The following CUBN variants were observed in gnomAD, a reference collection of about 807,000 sequenced individuals.
CUBN encodes cubilin.
In CUBN, 282 loss-of-function variants were observed where a neutral mutation model predicts 405.3. That is an observed-to-expected ratio of 0.70 (90% confidence interval 0.63 to 0.77). The LOEUF is 0.77. Among genes scored for constraint, CUBN ranks in the 30% least tolerant of loss-of-function variants. The probability of loss-of-function intolerance (pLI) is 0.00; values close to 1 mark genes in which losing one functional copy is unlikely to be tolerated. For missense variants in CUBN, 4,514 were observed against 4,475.2 expected (o/e 1.01, Z -0.25); for synonymous variants, 1,684 against 1,617.0 (o/e 1.04, Z -0.99).
rs192807179 is a variant in CUBN at position 16,935,486 on chromosome 10, T to C, written c.5926+2106A>G. Among the ~76,000 whole-genome samples the C allele has an allele frequency of 5.8e-3, 887 of 152,278 alleles. 32 individuals carry two copies. The highest frequency in any genetic ancestry group is 0.055 in the Admixed American group (842 of 15,290). ...CTTTTAAGCTCCTGGAGAGTAGAGA[T>C]TGTACCTCATTTTCCTTTCTTAGTC... On this transcript the variant is annotated intron_variant, in intron 39 of 66. Coordinates refer to ENST00000377833, the MANE Select transcript of CUBN (RefSeq NM_001081.4).
chr10:17,123,663 G>T lies in CUBN; in HGVS notation c.414C>A (p.Ser138Arg), dbSNP rs1283376097. 1.2e-6 allele frequency: 2 copies of T among 1,613,910 alleles called. No homozygotes were observed. Among genetic ancestry groups the T allele is most frequent in the Non-Finnish European group, 1.7e-6 (2 of 1,179,906 alleles). ...AGGTTCCACCATTCTGGCAAGGATT[G>T]CTGCTGCAAACCTTTTTGTCAACAG... Reference protein sequence around the residue: ...QQTVDKKVCSSNPCQNGGTCL... With the variant: ...QQTVDKKVCSRNPCQNGGTCL... The change falls in exon 5 of 67, where the codon AGC becomes AGA. Residue 138 changes from serine (S) to arginine (R), a missense_variant. By Grantham distance (110) the Ser-to-Arg change is moderately radical. Coordinates refer to ENST00000377833, the MANE Select transcript of CUBN (RefSeq NM_001081.4).
chr10:16,996,739 C>T (rs923634617), intron 28 of CUBN, among the ~76,000 whole-genome samples: 3 of 152,168 alleles, frequency 2.0e-5, no homozygotes, highest in South Asian at 2.1e-4. Flanking sequence ...ATGCAGTCAG[C>T]GCTTTGCTGG....
intron 19 of CUBN, among the ~76,000 whole-genome samples, chr10:17,069,279 T>G (rs1835683563): frequency 6.6e-6 from 1 of 152,232 alleles, no homozygotes; most frequent in African/African-American, 2.4e-5. Context: ...TTATAGATGA[T>G]GACTGTAGAT....
rs146336877 is a variant in CUBN at position 16,842,049 on chromosome 10, C to CTT, written c.9664-1004_9664-1003dup. Among the ~76,000 whole-genome samples, 112 of 144,062 alleles carry CTT rather than the reference C, an allele frequency of 7.8e-4. 1 individual carries two copies. The highest frequency in any genetic ancestry group is 7.0e-3 in the Middle Eastern group (2 of 284). 94.5% of individuals were successfully genotyped at this position (144,062 alleles called of 152,430 possible). A position where few individuals can be genotyped will look rare whatever the true frequency, so the allele number is the denominator to read the frequency against. Reference sequence around the variant, plus strand: ...CTTCTTCTATATACTACATATTTAGCTTTTTTTTTTTTTGAAATAAGGTCT... The same window carrying CTT: ...CTTCTTCTATATACTACATATTTAGCTTTTTTTTTTTTTTTGAAATAAGGTCT... On this transcript the variant is annotated intron_variant, in intron 60 of 66. Coordinates refer to ENST00000377833, the MANE Select transcript of CUBN (RefSeq NM_001081.4).
chr10:17,076,478 C>T lies in CUBN; in HGVS notation c.2302-4507G>A, dbSNP rs377413456. ...TCTAGGACTTGATAAATTTGCACCC[C>T]CACCAAAAAAAAAAAAAAAAAAACC... On this transcript the variant is annotated intron_variant, in intron 17 of 66. Transcript: ENST00000377833. 4.1e-3 allele frequency among the ~76,000 whole-genome samples: 270 copies of T among 66,080 alleles called. 2 individuals carry two copies. The highest frequency in any genetic ancestry group is 0.02 in the African/African-American group (259 of 13,146). The allele number at this position is 66,080 out of a possible 152,430, so 43.4% of individuals were successfully genotyped here.
At chr10:16,892,519 A>G (rs1841063103) in intron 54 of CUBN, among the ~76,000 whole-genome samples, 2 of 151,986 alleles carry the variant, frequency 1.3e-5, no homozygotes, top group Middle Eastern at 3.2e-3. Context: ...TTTTTGAGAC[A>G]GTCTCACTCT....
chr10:17,021,743 G>A (rs7924087), intron 27 of CUBN, among the ~76,000 whole-genome samples: 86,783 of 152,038 alleles, frequency 0.57, 24,883 homozygotes, highest in East Asian at 0.64. Flanking sequence ...CCATGGAGCC[G>A]CCCCTAATCC....
At position 17,100,102 on chromosome 10, in the gene CUBN, T is replaced by C; in HGVS notation, c.1668A>G (p.Glu556=). The C allele has an allele frequency of 6.2e-7, 1 of 1,613,630 alleles. No homozygotes were observed. Among genetic ancestry groups the C allele is most frequent in the Non-Finnish European group, 8.5e-7 (1 of 1,179,832 alleles). ...AGAGAGCATTGTCACTGCTGAGGAGTTCATGAGGGAGGCTGGAGCCACAAA... is the reference window on the plus strand; with the variant it reads ...AGAGAGCATTGTCACTGCTGAGGAGCTCATGAGGGAGGCTGGAGCCACAAA... The part of the protein sequence containing the change: ...GRFCGSSLPH[E]LLSSDNALYF... The change falls in exon 14 of 67, where the codon GAA becomes GAG. Residue 556 remains glutamate (E), a synonymous_variant. Coordinates refer to ENST00000377833, the MANE Select transcript of CUBN (RefSeq NM_001081.4).
At chr10:17,000,306 C>T (rs1349603636) in intron 28 of CUBN, among the ~76,000 whole-genome samples, 1 of 89,668 alleles carries the variant, frequency 1.1e-5, no homozygotes, top group East Asian at 3.4e-4. Context: ...TGGATTCCAT[C>T]AGCAACATAT....
At chr10:17,117,894 G>A (rs1267714327) in intron 6 of CUBN, among the ~76,000 whole-genome samples, 1 of 152,168 alleles carries the variant, frequency 6.6e-6, no homozygotes, top group East Asian at 1.9e-4. Flanking sequence ...AATTTCTTAT[G>A]AAATAATAGT....
At chr10:17,026,842 A>T (rs1381180944) in intron 27 of CUBN, among the ~76,000 whole-genome samples, 1 of 152,182 alleles carries the variant, frequency 6.6e-6, no homozygotes, top group Non-Finnish European at 1.5e-5. Context: ...CATAAGGCAC[A>T]TGGCCACTCA....
At chr10:17,048,969 A>G (rs1305090591) in intron 22 of CUBN, among the ~76,000 whole-genome samples, 1 of 152,224 alleles carries the variant, frequency 6.6e-6, no homozygotes, top group Non-Finnish European at 1.5e-5. Context: ...CTCTATTTTA[A>G]ACAGCAAGCA....
chr10:17,031,525 G>A (rs1588598136), intron 27 of CUBN, among the ~76,000 whole-genome samples: 1 of 152,204 alleles, frequency 6.6e-6, no homozygotes, highest in Non-Finnish European at 1.5e-5. Flanking sequence ...GAAGTTACCT[G>A]CTTCACTCTG....
At chr10:16,832,414 T>C (rs1258251521) in intron 64 of CUBN, among the ~76,000 whole-genome samples, 1 of 152,214 alleles carries the variant, frequency 6.6e-6, no homozygotes, top group Non-Finnish European at 1.5e-5. Context: ...AGATTCCTTT[T>C]AGGTCGATGT....
chr10:17,118,835 C>G (rs1473439338), intron 6 of CUBN, among the ~76,000 whole-genome samples: 1 of 152,178 alleles, frequency 6.6e-6, no homozygotes, highest in African/African-American at 2.4e-5. Context: ...ATATACCTCC[C>G]TAAGTGAAAA....
rs1419285222 is a variant in CUBN, at chr10:16,877,006, A to C, written c.8997T>G (p.Cys2999Trp). 6.2e-7 allele frequency: 1 copy of C among 1,614,096 alleles called. No homozygotes were observed. Among genetic ancestry groups the C allele is most frequent in the East Asian group, 2.2e-5 (1 of 44,866 alleles). ...SVMSTPFATV[C>W]GDEMPAPLTI... ...TGAGGGGAGCTGGCATCTCATCCCC[A>C]CACACAGTAGCAAATGGGGTGGACA... Residue 2999 changes from cysteine to tryptophan, a missense_variant, in exon 57 of 67, where the codon TGT (cysteine) becomes TGG (tryptophan). Cys to Trp is a radical substitution (Grantham distance 215, BLOSUM62 -2). Around this residue, in one of 5 missense-constraint regions of CUBN, gnomAD observed 1,186 missense variants for 1,186.9 expected, o/e 1.00. Coordinates refer to ENST00000377833, the MANE Select transcript of CUBN (RefSeq NM_001081.4).
In CUBN at chr10:17,065,581, C is replaced by T; in HGVS notation, c.3066G>A (p.Leu1022=). ...SLTSSGNSLM[L]VFVTDSDLAY... ...CGAGGTCGGAGTCAGTCACAAACACCAGCATCAATGAGTTACCACTGCTTG... is the reference window on the plus strand; with the variant it reads ...CGAGGTCGGAGTCAGTCACAAACACTAGCATCAATGAGTTACCACTGCTTG... Residue 1022 remains leucine (L), a synonymous_variant, in exon 22 of 67, where the codon CTG becomes CTA. Coordinates refer to ENST00000377833, the MANE Select transcript of CUBN (RefSeq NM_001081.4). The T allele has an allele frequency of 6.2e-7, 1 of 1,613,670 alleles. No homozygotes were observed. Among genetic ancestry groups the T allele is most frequent in the Non-Finnish European group, 8.5e-7 (1 of 1,179,658 alleles).
At position 16,851,352 on chromosome 10, in the gene CUBN, A is replaced by G. The variant is rs768533047; in HGVS notation, c.9546T>C (p.Asn3182=). The G allele has an allele frequency of 4.3e-6, 7 of 1,614,156 alleles. No homozygotes were observed. In the South Asian group the frequency reaches 7.7e-5, roughly 18 times the overall value. The part of the protein sequence containing the change: ...DSDSNGMYDK[N]LNCVWIIIAP... ...CAATTATGATCCATACACAGTTTAAATTCTTGTCATACATTCCATTCGAAT... is the reference window on the plus strand; with the variant it reads ...CAATTATGATCCATACACAGTTTAAGTTCTTGTCATACATTCCATTCGAAT... The change falls in exon 60 of 67, where the codon AAT becomes AAC. Residue 3182 remains asparagine (N), a synonymous_variant. Coordinates refer to ENST00000377833, the MANE Select transcript of CUBN (RefSeq NM_001081.4).
At chr10:17,025,342 C>G (rs909530773) in intron 27 of CUBN, among the ~76,000 whole-genome samples, 5 of 152,160 alleles carry the variant, frequency 3.3e-5, no homozygotes, top group African/African-American at 9.7e-5. Context: ...GTAGAATGTA[C>G]TTGACTAATG....
Sources: gnomAD v4.1 joint callset for allele counts (sites outside exome capture counted in the v4.1 genomes callset) on GRCh38, gnomAD v4.1.1 for gene constraint, gnomAD v4.1.1 regional missense constraint, MANE v1.5 for transcripts, NCBI Gene and HGNC (gene_info 2026-07-23, HGNC 2026-07-21) for gene names.